The following SMG6 variants were observed in gnomAD, a reference collection of about 807,000 sequenced individuals.
SMG6 encodes the protein SMG6 nonsense mediated mRNA decay factor.
A neutral mutation model predicts 142.2 loss-of-function variants in SMG6; 66 were observed. The ratio of observed to expected loss-of-function variants is 0.46; its 90% CI spans 0.38 to 0.57. The LOEUF is 0.57. Ranked by LOEUF, SMG6 falls within the 20% of genes least tolerant of loss-of-function variation. The pLI, the probability that SMG6 is intolerant of heterozygous loss-of-function variation, is 0.00. For synonymous variants in SMG6, 779 were observed against 702.4 expected (o/e 1.11, Z -1.72); for missense variants, 1,793 against 1,832.0 (o/e 0.98, Z 0.39).
chr17:2,144,049 C>CTTTTTTT (rs57316349), intron 13 of SMG6, among the ~76,000 whole-genome samples: 1 of 65,062 alleles, frequency 1.5e-5, no homozygotes, highest in East Asian at 5.5e-4. Flanking sequence ...ACCACGGCCG[C>CTTTTTTT]TTTTTTTTTT....
At chr17:2,293,483 T>C (rs1051568589) in intron 4 of SMG6, among the ~76,000 whole-genome samples, 3 of 152,216 alleles carry the variant, frequency 2.0e-5, no homozygotes, top group African/African-American at 7.2e-5. Flanking sequence ...CCCCTAATAA[T>C]TTCTGAGACA....
At chr17:2,272,345 A>C (rs1346229704) in intron 8 of SMG6, among the ~76,000 whole-genome samples, 1 of 152,030 alleles carries the variant, frequency 6.6e-6, no homozygotes, top group Non-Finnish European at 1.5e-5. Flanking sequence ...ACCCCAAACC[A>C]TGCCTCTGCC....
intron 12 of SMG6, among the ~76,000 whole-genome samples, chr17:2,174,856 G>A (rs569274214): frequency 6.6e-6 from 1 of 152,148 alleles, no homozygotes; most frequent in Non-Finnish European, 1.5e-5. Context: ...TGGGAAACGC[G>A]GCATTCAGGC....
intron 10 of SMG6, among the ~76,000 whole-genome samples, chr17:2,200,813 A>G (rs959518305): frequency 6.6e-6 from 1 of 152,024 alleles, no homozygotes; most frequent in Non-Finnish European, 1.5e-5. Context: ...AGGTTCAAGC[A>G]ATCCTCCCAC....
At chr17:2,298,797 A>G in intron 2 of SMG6, 109 bp downstream of exon 2, 2 of 984,014 alleles carry the variant, frequency 2.0e-6, no homozygotes, top group South Asian at 1.6e-5. Flanking sequence ...TGAAAAGGAA[A>G]TAATACCCAG....
intron 10 of SMG6, among the ~76,000 whole-genome samples, chr17:2,217,521 T>C (rs1481582094): frequency 6.6e-6 from 1 of 152,158 alleles, no homozygotes; most frequent in Admixed American, 6.5e-5. Flanking sequence ...AGAAGAGTCA[T>C]GGTCCAACTC....
chr17:2,209,113 G>A (rs1318989088), intron 10 of SMG6, among the ~76,000 whole-genome samples: 4 of 150,354 alleles, frequency 2.7e-5, no homozygotes, highest in African/African-American at 9.8e-5. Flanking sequence ...GCAGTGAGCC[G>A]AGATCACACC....
At chr17:2,220,409 T>C (rs1261341873) in intron 10 of SMG6, among the ~76,000 whole-genome samples, 1 of 152,074 alleles carries the variant, frequency 6.6e-6, no homozygotes, top group Non-Finnish European at 1.5e-5. Context: ...GGAAGGAGGA[T>C]CACTTGGACC....
chr17:2,212,995 G>A (rs2072909822), intron 10 of SMG6, among the ~76,000 whole-genome samples: 1 of 152,238 alleles, frequency 6.6e-6, no homozygotes. Flanking sequence ...ATTTCTTGCT[G>A]AATTCATCTA....
intron 12 of SMG6, among the ~76,000 whole-genome samples, chr17:2,173,572 G>A (rs891051017): frequency 7.2e-5 from 11 of 152,080 alleles, no homozygotes; most frequent in Non-Finnish European, 1.5e-4. Context: ...TCCGGTTTGT[G>A]TGGGACTGTC....
In SMG6 at chr17:2,061,371, G is replaced by A. The variant is rs567340149; in HGVS notation, c.*121C>T. On this transcript the variant is annotated 3_prime_UTR_variant, in exon 19 of 19. Transcript: ENST00000263073. Reference sequence around the variant, plus strand: ...CATGGCCGTGGCGTGGGTTGGAAGAGGATGGTTTATTGTCTGGGTGGATTG... The same window carrying A: ...CATGGCCGTGGCGTGGGTTGGAAGAAGATGGTTTATTGTCTGGGTGGATTG... 10 of 998,252 alleles carry A rather than the reference G, an allele frequency of 1.0e-5. No individual in the cohort carries two copies. The highest frequency in any genetic ancestry group is 1.5e-5 in the Non-Finnish European group (10 of 686,216). 61.8% of individuals were successfully genotyped at this position (998,252 alleles called of 1,614,324 possible).
chr17:2,250,588 T>C (rs1330625673), intron 8 of SMG6, among the ~76,000 whole-genome samples: 1 of 152,038 alleles, frequency 6.6e-6, no homozygotes, highest in Non-Finnish European at 1.5e-5. Context: ...GGTCTCACTA[T>C]ATTGCCAAGG....
At chr17:2,211,409 A>C (rs2072857484) in intron 10 of SMG6, among the ~76,000 whole-genome samples, 1 of 152,290 alleles carries the variant, frequency 6.6e-6, no homozygotes, top group East Asian at 1.9e-4. Context: ...TCACGCCTGT[A>C]ATCCCAGCAC....
chr17:2,066,372 C>CTCTGTG (rs1555529644), intron 16 of SMG6, among the ~76,000 whole-genome samples: 3 of 149,578 alleles, frequency 2.0e-5, no homozygotes, highest in African/African-American at 7.4e-5. Flanking sequence ...GTATATGTCT[C>CTCTGTG]TGTGTGTGTG....
intron 1 of SMG6, among the ~76,000 whole-genome samples, chr17:2,302,698 G>C (rs2075310573): frequency 6.6e-6 from 1 of 152,134 alleles, no homozygotes; most frequent in Non-Finnish European, 1.5e-5. Flanking sequence ...CTGAGGTTTT[G>C]GATAGTGCTT....
intron 12 of SMG6, among the ~76,000 whole-genome samples, chr17:2,185,843 A>G (rs2071965535): frequency 6.6e-6 from 1 of 152,084 alleles, no homozygotes; most frequent in Non-Finnish European, 1.5e-5. Context: ...AATGGAAGAG[A>G]GATGTGCATG....
chr17:2,239,177 T>A (rs530339179), intron 9 of SMG6, among the ~76,000 whole-genome samples: 6 of 152,336 alleles, frequency 3.9e-5, no homozygotes, highest in Non-Finnish European at 8.8e-5. Context: ...TGTAGGTAGA[T>A]GAGTGAAAGG....
At chr17:2,112,528 T>A (rs9915482) in intron 13 of SMG6, among the ~76,000 whole-genome samples, 59 of 5,698 alleles carry the variant, frequency 0.01, no homozygotes, top group Non-Finnish European at 0.013. Flanking sequence ...AAATAAAAAA[T>A]AAATAAATAA....
chr17:2,137,682 C>T (rs1051411232), intron 13 of SMG6, among the ~76,000 whole-genome samples: 2 of 152,132 alleles, frequency 1.3e-5, no homozygotes, highest in East Asian at 1.9e-4. Context: ...AAGCAGAAAG[C>T]GCCATGGGAC....
Sources: allele counts gnomAD v4.1 joint callset (sites outside exome capture counted in the v4.1 genomes callset), GRCh38; gene constraint gnomAD v4.1.1; transcripts MANE v1.5; gene names NCBI Gene and HGNC (gene_info 2026-07-23, HGNC 2026-07-21).